TBC1D2B: variants seen among roughly 807,000 people sequenced by gnomAD.
The protein encoded by TBC1D2B is TBC1 domain family member 2B.
Under a neutral mutation model 100.8 loss-of-function variants are expected in TBC1D2B, and 64 were observed. The ratio of observed to expected loss-of-function variants is 0.64; its 90% CI spans 0.52 to 0.78. TBC1D2B has a LOEUF of 0.78. Among genes scored for constraint, TBC1D2B ranks in the 30% least tolerant of loss-of-function variants. The pLI is 0.00. For missense variants in TBC1D2B, 1,052 were observed against 1,218.4 expected, an observed-to-expected ratio of 0.86 and a Z score of 2.03; for synonymous variants, 480 against 479.7, an observed-to-expected ratio of 1.00 and a Z score of -0.01.
At chr15:78,008,201 T>G (rs532411026) in intron 10 of TBC1D2B, among the ~76,000 whole-genome samples, 1 of 152,208 alleles carries the variant, frequency 6.6e-6, no homozygotes, top group South Asian at 2.1e-4. Flanking sequence ...GGGCCAGGAC[T>G]GTCCCAAGCA....
At chr15:78,050,036 T>C (rs1005668434) in intron 2 of TBC1D2B, among the ~76,000 whole-genome samples, 1 of 152,180 alleles carries the variant, frequency 6.6e-6, no homozygotes, top group Admixed American at 6.5e-5. Context: ...TTGATCTCTG[T>C]ATGGAATCAC....
chr15:78,059,646 G>A (rs780570223), intron 1 of TBC1D2B, among the ~76,000 whole-genome samples: 3 of 152,154 alleles, frequency 2.0e-5, no homozygotes, highest in East Asian at 1.9e-4. Flanking sequence ...ACCATGTGAT[G>A]CCCCAGCTGC....
rs9047 is a variant in TBC1D2B at position 78,077,473 on chromosome 15, G to A, written c.180C>T (p.Phe60=). The A allele has an allele frequency of 0.18, 280,308 of 1,535,596 alleles. 27,305 individuals carry two copies. The highest frequency in any genetic ancestry group is 0.38 in the East Asian group (14,816 of 38,840). The change falls in exon 1 of 13, where the codon TTC becomes TTT. Residue 60 remains phenylalanine (F), a synonymous_variant. Coordinates refer to ENST00000300584, the MANE Select transcript of TBC1D2B (RefSeq NM_144572.2). The stretch of plus-strand genomic sequence containing the variant: ...AGTAAAGGTAGCAGCGGCGCGCGTC[G>A]AACACGAACCAGCGGCTGCGGTAGC... The part of the protein sequence containing the change: ...LRGYRSRWFV[F]DARRCYLYYF...
intron 1 of TBC1D2B, among the ~76,000 whole-genome samples, chr15:78,071,545 A>C (rs2073743141): frequency 6.6e-6 from 1 of 152,142 alleles, no homozygotes; most frequent in Admixed American, 6.5e-5. Context: ...AAAATATGGA[A>C]CTGACTGTAA....
chr15:78,059,499 G>C (rs1442963765), intron 1 of TBC1D2B, among the ~76,000 whole-genome samples: 1 of 152,184 alleles, frequency 6.6e-6, no homozygotes, highest in Non-Finnish European at 1.5e-5. Context: ...ACAAGGATTG[G>C]GTGGGCACAA....
At position 78,037,009 on chromosome 15, in the gene TBC1D2B, C is replaced by T. The variant is rs189753574; in HGVS notation, c.684-6839G>A. On this transcript the variant is annotated intron_variant, in intron 3 of 12. Coordinates refer to ENST00000300584, the MANE Select transcript of TBC1D2B (RefSeq NM_144572.2). ...AGACATTTACCTGGACAGATGAGTACATCACCCTTCCAATTTTAAGACATC... is the reference window on the plus strand; with the variant it reads ...AGACATTTACCTGGACAGATGAGTATATCACCCTTCCAATTTTAAGACATC... Among the ~76,000 whole-genome samples the T allele has an allele frequency of 2.0e-5, 3 of 152,218 alleles. No individual in the cohort carries two copies. The East Asian group carries it at 5.8e-4, about 29-fold the overall frequency.
chr15:78,027,329 T>C (rs1448533950), intron 4 of TBC1D2B, among the ~76,000 whole-genome samples: 2 of 152,196 alleles, frequency 1.3e-5, no homozygotes, highest in Non-Finnish European at 1.5e-5. Flanking sequence ...CATGGGTGTA[T>C]TCAATTTGTG....
intron 3 of TBC1D2B, among the ~76,000 whole-genome samples, chr15:78,040,855 G>GAAGAAAGAAAAGAAAGAAAGAAAGA (rs2073071588): frequency 1.3e-5 from 1 of 74,668 alleles, no homozygotes; most frequent in Non-Finnish European, 2.7e-5. Flanking sequence ...AGAAAGAAAG[G>GAAGAAAGAAAAGAAAGAAAGAAAGA]AAGAAAGAAA....
At chr15:78,028,326 T>C (rs1043941037) in intron 4 of TBC1D2B, among the ~76,000 whole-genome samples, 1 of 151,984 alleles carries the variant, frequency 6.6e-6, no homozygotes, top group Non-Finnish European at 1.5e-5. Context: ...AATAAAAAAA[T>C]TAGCCAGGCA....
rs747411388 is a variant in TBC1D2B at position 78,044,955 on chromosome 15, C to G, written c.628G>C (p.Gly210Arg). Residue 210 changes from glycine (G) to arginine (R), a missense_variant, in exon 3 of 13, where the codon GGG becomes CGG. Transcript: ENST00000300584. Reference sequence around the variant, plus strand: ...TAAAAATTAATGGAATTTGGATGCCCTGGGGCGGGCTGATTTGCAGCTTGT... The same window carrying G: ...TAAAAATTAATGGAATTTGGATGCCGTGGGGCGGGCTGATTTGCAGCTTGT... ...GEQAANQPAP[G>R]HPNSINFYSL... 11 of 1,613,708 alleles carry G rather than the reference C, an allele frequency of 6.8e-6. No individual in the cohort carries two copies. The South Asian group carries it at 8.8e-5, about 13-fold the overall frequency.
intron 1 of TBC1D2B, among the ~76,000 whole-genome samples, chr15:78,063,629 A>G (rs1194099224): frequency 6.6e-6 from 1 of 152,198 alleles, no homozygotes; most frequent in African/African-American, 2.4e-5. Flanking sequence ...CCATCAGTCT[A>G]TGATGGCCAA....
At chr15:78,045,975 AG>A (rs1436807084) in intron 2 of TBC1D2B, among the ~76,000 whole-genome samples, 5 of 151,996 alleles carry the variant, frequency 3.3e-5, no homozygotes, top group Admixed American at 1.3e-4. Context: ...CTTGTTGCCC[AG>A]GACAGAATGC....
intron 3 of TBC1D2B, chr15:78,034,766 C>T: frequency 2.0e-6 from 2 of 984,680 alleles, no homozygotes; most frequent in Non-Finnish European, 2.4e-6. Flanking sequence ...TGGAATCAGG[C>T]TCAAAGTGAA....
chr15:78,003,724 G>A, intron 10 of TBC1D2B: 1 of 473,312 alleles, frequency 2.1e-6, no homozygotes, highest in Non-Finnish European at 3.8e-6. Flanking sequence ...TTTCCACAGG[G>A]CATGGGAGTA....
chr15:78,038,143 A>G (rs556118795), intron 3 of TBC1D2B, among the ~76,000 whole-genome samples: 13 of 151,826 alleles, frequency 8.6e-5, no homozygotes, highest in Non-Finnish European at 1.9e-4. Flanking sequence ...TTCCCTCATC[A>G]CTCTTCCTCA....
chr15:78,010,168 G>C (rs1299246273), intron 9 of TBC1D2B, among the ~76,000 whole-genome samples: 1 of 152,244 alleles, frequency 6.6e-6, no homozygotes, highest in East Asian at 1.9e-4. Context: ...CTGCAGATGA[G>C]GGCACCCCAA....
chr15:78,046,547 GC>G (rs2073199307), intron 2 of TBC1D2B, among the ~76,000 whole-genome samples: 2 of 151,616 alleles, frequency 1.3e-5, no homozygotes, highest in Non-Finnish European at 2.9e-5. Flanking sequence ...ACTCACTGCA[GC>G]CTCAACCTCC....
chr15:78,064,755 G>A (rs142288305), intron 1 of TBC1D2B, among the ~76,000 whole-genome samples: 1 of 150,024 alleles, frequency 6.7e-6, no homozygotes, highest in Non-Finnish European at 1.5e-5. Context: ...AGCACCAATG[G>A]AAAAAAAAAA....
At chr15:77,999,289 A>G (rs1310226250) in intron 12 of TBC1D2B, 3 of 455,432 alleles carry the variant, frequency 6.6e-6, no homozygotes, top group Non-Finnish European at 1.3e-5. Flanking sequence ...TCCCCATCAG[A>G]GCAGGCCATT....
Sources: gnomAD v4.1 joint callset for allele counts (sites outside exome capture counted in the v4.1 genomes callset) on GRCh38, gnomAD v4.1.1 for gene constraint, MANE v1.5 for transcripts, NCBI Gene and HGNC (gene_info 2026-07-23, HGNC 2026-07-21) for gene names.